The following MITF variants were observed in gnomAD, a reference collection of about 807,000 sequenced individuals.
The protein encoded by MITF is microphthalmia-associated transcription factor.
A neutral mutation model predicts 60.5 loss-of-function variants in MITF; 17 were observed. The ratio of observed to expected loss-of-function variants is 0.28; its 90% CI spans 0.19 to 0.42. The LOEUF (loss-of-function observed/expected upper bound fraction) is 0.42, where lower values mean the gene tolerates loss of function less well. Among genes scored for constraint, MITF ranks in the 10% least tolerant of loss-of-function variants. The pLI, the probability that MITF is intolerant of heterozygous loss-of-function variation, is 1.00. For synonymous variants in MITF, 260 were observed against 248.5 expected (o/e 1.05, Z -0.43); for missense variants, 622 against 683.5 (o/e 0.91, Z 1.00).
intron 1 of MITF, among the ~76,000 whole-genome samples, chr3:69,843,611 A>G (rs2107148638): frequency 6.6e-6 from 1 of 152,280 alleles, no homozygotes; most frequent in South Asian, 2.1e-4. Flanking sequence ...TCTGGTTTCA[A>G]TACCACAAAT....
intron 5 of MITF, among the ~76,000 whole-genome samples, chr3:69,944,615 G>A (rs1576019301): frequency 6.6e-6 from 1 of 152,110 alleles, no homozygotes; most frequent in East Asian, 1.9e-4. Flanking sequence ...TTCAACATTA[G>A]GAGCACAGAC....
In MITF at chr3:69,937,804, C is replaced by A; in HGVS notation, c.355-18C>A. 6.2e-7 allele frequency: 1 copy of A among 1,609,486 alleles called. No individual in the cohort carries two copies. The highest frequency in any genetic ancestry group is 1.3e-5 in the African/African-American group (1 of 74,914). On this transcript the variant is annotated intron_variant, in intron 2 of 9. Transcript: ENST00000352241. ...AAATAACAGCGCTGTTTTCTTTTCC[C>A]TCCATGGCTATGTTCAGGTGCAGAC...
At chr3:69,934,462 AT>A (rs1326237916) in intron 2 of MITF, among the ~76,000 whole-genome samples, 2 of 152,242 alleles carry the variant, frequency 1.3e-5, no homozygotes, top group African/African-American at 4.8e-5. Context: ...TAAGACAAAA[AT>A]GTTTGAGAAT....
At chr3:69,768,302 A>G (rs2062333929) in intron 1 of MITF, among the ~76,000 whole-genome samples, 1 of 152,232 alleles carries the variant, frequency 6.6e-6, no homozygotes, top group Non-Finnish European at 1.5e-5. Flanking sequence ...TGTGCCTTAT[A>G]TGGAGCATGC....
In MITF at chr3:69,959,209, A is replaced by C. The variant is rs1446252221; in HGVS notation, c.1032-64A>C. On this transcript the variant is annotated intron_variant, in intron 8 of 9. Coordinates refer to ENST00000352241, the MANE Select transcript of MITF (RefSeq NM_001354604.2). ...GTTCAAAAAGAAATGGAGTGCTTTG[A>C]ATATTGAATTTTCATTGAGCCTCAA... 7.6e-6 allele frequency: 12 copies of C among 1,585,954 alleles called. No homozygotes were observed. The East Asian group carries it at 2.7e-4, about 36-fold the overall frequency.
chr3:69,762,927 G>A (rs2062232290), intron 1 of MITF: 1 of 225,374 alleles, frequency 4.4e-6, no homozygotes, highest in African/African-American at 2.2e-5. Flanking sequence ...TTTAAACCAG[G>A]ACACCCTGTG....
In MITF at chr3:69,964,943, C is replaced by T. The variant is rs764672619; in HGVS notation, c.1276C>T (p.Pro426Ser). 10 of 1,614,126 alleles carry T rather than the reference C, an allele frequency of 6.2e-6. No homozygotes were observed. The Admixed American group carries it at 1.7e-4, about 27-fold the overall frequency. ...DLVNRIIKQE[P>S]VLENCSQDLL... ...GGTGAATCGGATCATCAAGCAAGAA[C>T]CCGTTCTTGAGAACTGCAGCCAAGA... is the stretch of plus-strand genomic sequence containing the variant. Residue 426 changes from proline to serine, a missense_variant, in exon 10 of 10, where the codon CCC (proline) becomes TCC (serine). Physicochemically the swap from Pro to Ser is moderately conservative, Grantham distance 74 (BLOSUM62 -1). This residue lies in a region of MITF where 224 missense variants were observed against 209.5 expected (regional missense o/e 1.07). Transcript: ENST00000352241.
At chr3:69,881,592 G>A (rs920217277) in intron 2 of MITF, among the ~76,000 whole-genome samples, 9 of 151,608 alleles carry the variant, frequency 5.9e-5, no homozygotes, top group African/African-American at 9.7e-5. Context: ...TCAAAATTTT[G>A]TGTATAAAAG....
chr3:69,888,413 C>CT (rs199920801), intron 2 of MITF, among the ~76,000 whole-genome samples: 2,790 of 141,728 alleles, frequency 0.02, 38 homozygotes, highest in Middle Eastern at 0.06. Flanking sequence ...TTCTTTTTTT[C>CT]TTTTTTTTTT....
chr3:69,810,712 G>C (rs2063087350), intron 1 of MITF, among the ~76,000 whole-genome samples: 1 of 152,134 alleles, frequency 6.6e-6, no homozygotes, highest in African/African-American at 2.4e-5. Context: ...CACTGTGAGG[G>C]ATAAATGAGG....
chr3:69,907,622 T>A (rs1036853366), intron 2 of MITF, among the ~76,000 whole-genome samples: 5 of 152,210 alleles, frequency 3.3e-5, no homozygotes, highest in African/African-American at 1.2e-4. Flanking sequence ...AAATCACCCT[T>A]GATTTCAGGC....
intron 6 of MITF, among the ~76,000 whole-genome samples, chr3:69,950,448 T>TTATATATATATATATA (rs10604038): frequency 6.9e-5 from 9 of 130,790 alleles, no homozygotes; most frequent in African/African-American, 2.0e-4. Context: ...AACTTCTGAG[T>TTATATATATATATATA]TATATATATA....
chr3:69,866,261 G>C, intron 1 of MITF: 1 of 1,611,656 alleles, frequency 6.2e-7, no homozygotes, highest in South Asian at 1.1e-5. Context: ...TCTTCGCCAA[G>C]GGCTTGCAGA....
chr3:69,749,139 A>G (rs1490212817), intron 1 of MITF, among the ~76,000 whole-genome samples: 2 of 152,198 alleles, frequency 1.3e-5, no homozygotes, highest in Non-Finnish European at 2.9e-5. Flanking sequence ...ACCTAGCTCA[A>G]TCCTGGTGAA....
intron 1 of MITF, among the ~76,000 whole-genome samples, chr3:69,773,527 C>T (rs148116714): frequency 3.3e-5 from 5 of 152,214 alleles, no homozygotes; most frequent in East Asian, 1.9e-4. Context: ...AATTTTATTC[C>T]TTCTTATAAA....
intron 7 of MITF, among the ~76,000 whole-genome samples, chr3:69,955,155 A>G (rs1214540915): frequency 1.3e-5 from 2 of 152,170 alleles, no homozygotes; most frequent in East Asian, 3.9e-4. Context: ...GGGCTGTGCT[A>G]TCTAGTACAG....
At chr3:69,871,625 T>C (rs115820123) in intron 1 of MITF, among the ~76,000 whole-genome samples, 20 of 152,346 alleles carry the variant, frequency 1.3e-4, no homozygotes, top group African/African-American at 4.6e-4. Context: ...CAACACAATG[T>C]TGGAAACTTT....
chr3:69,777,990 A>G (rs768223122), intron 1 of MITF, among the ~76,000 whole-genome samples: 1 of 152,096 alleles, frequency 6.6e-6, no homozygotes, highest in South Asian at 2.1e-4. Context: ...ATTGTAGGAG[A>G]TGGTGACAAA....
chr3:69,876,620 G>T (rs1334073570), intron 1 of MITF, among the ~76,000 whole-genome samples: 1 of 152,118 alleles, frequency 6.6e-6, no homozygotes, highest in African/African-American at 2.4e-5. Flanking sequence ...ATGAGTGCAT[G>T]ATATTAAATA....
Sources: allele counts gnomAD v4.1 joint callset (sites outside exome capture counted in the v4.1 genomes callset), GRCh38; gene constraint gnomAD v4.1.1; regional missense constraint gnomAD v4.1.1; transcripts MANE v1.5; gene names NCBI Gene and HGNC (gene_info 2026-07-23, HGNC 2026-07-21).